The following MGAT4A variants were observed in gnomAD, a reference collection of about 807,000 sequenced individuals.
The protein encoded by MGAT4A is N-acetylglucosaminyltransferase IVa.
In MGAT4A, 33 loss-of-function variants were observed where a neutral mutation model predicts 74.1. The ratio of observed to expected loss-of-function variants is 0.45; its 90% CI spans 0.34 to 0.60. The LOEUF (loss-of-function observed/expected upper bound fraction) is 0.60, where lower values mean the gene tolerates loss of function less well. Among genes scored for constraint, MGAT4A ranks in the 20% least tolerant of loss-of-function variants. The pLI is 0.02. For synonymous variants in MGAT4A, 198 were observed against 210.4 expected, an observed-to-expected ratio of 0.94 and a Z score of 0.51; for missense variants, 479 against 628.3, an observed-to-expected ratio of 0.76 and a Z score of 2.54.
In MGAT4A at chr2:98,621,720, C is replaced by T. The variant is rs904930269; in HGVS notation, c.*3846G>A. 1.3e-5 allele frequency: 16 copies of T among 1,273,740 alleles called. No individual in the cohort carries two copies. Among genetic ancestry groups the T allele is most frequent in the East Asian group, 6.5e-5 (2 of 30,576 alleles). The allele number at this position is 1,273,740 out of a possible 1,614,324, so 78.9% of individuals were successfully genotyped here. ...TATTCACTAGAATAATCTCTCCAAA[C>T]GTGCTGTTTCCACATAACCAGTCTT... On this transcript the variant is annotated 3_prime_UTR_variant, in exon 16 of 16. Transcript: ENST00000393487.
intron 2 of MGAT4A, among the ~76,000 whole-genome samples, chr2:98,686,596 G>T (rs182220571): frequency 6.6e-6 from 1 of 151,730 alleles, no homozygotes; most frequent in Non-Finnish European, 1.5e-5. Context: ...ACCCAGGCTG[G>T]AGTGCAGTGG....
At chr2:98,668,011 C>A (rs906762907) in intron 4 of MGAT4A, among the ~76,000 whole-genome samples, 1 of 152,164 alleles carries the variant, frequency 6.6e-6, no homozygotes, top group Non-Finnish European at 1.5e-5. Flanking sequence ...AGCCACAGCG[C>A]CCGGCCAGCA....
At chr2:98,674,049 A>C (rs1032590751) in intron 4 of MGAT4A, among the ~76,000 whole-genome samples, 1 of 152,196 alleles carries the variant, frequency 6.6e-6, no homozygotes, top group East Asian at 1.9e-4. Flanking sequence ...CTTAAGAAGG[A>C]AGGTAGTATA....
At chr2:98,629,163 T>G (rs1025302378) in intron 14 of MGAT4A, among the ~76,000 whole-genome samples, 4 of 152,224 alleles carry the variant, frequency 2.6e-5, no homozygotes, top group African/African-American at 9.6e-5. Flanking sequence ...ATGTGCCCCA[T>G]GGACCGTAGT....
intron 2 of MGAT4A, among the ~76,000 whole-genome samples, chr2:98,683,611 A>ATCAGATATAG: frequency 6.6e-6 from 1 of 152,234 alleles, no homozygotes; most frequent in African/African-American, 2.4e-5. Flanking sequence ...ATATAGGCTC[A>ATCAGATATAG]GTCTTTCATC....
chr2:98,622,590 G>A lies in MGAT4A; in HGVS notation c.*2976C>T, dbSNP rs944312024. 12 of 985,200 alleles carry A rather than the reference G, an allele frequency of 1.2e-5. No homozygotes were observed. The highest frequency in any genetic ancestry group is 1.1e-4 in the East Asian group (1 of 8,828). The allele number at this position is 985,200 out of a possible 1,614,324, so 61.0% of individuals were successfully genotyped here. On this transcript the variant is annotated 3_prime_UTR_variant, in exon 16 of 16. Coordinates refer to ENST00000393487, the MANE Select transcript of MGAT4A (RefSeq NM_012214.3). The stretch of plus-strand genomic sequence containing the variant: ...CTGCCCTCACACTGCTCTTAAGGGC[G>A]ACCACTACAATTTCCTGCTTGGGGA...
intron 13 of MGAT4A, among the ~76,000 whole-genome samples, chr2:98,635,992 A>G (rs990949396): frequency 2.1e-5 from 3 of 145,116 alleles, no homozygotes; most frequent in African/African-American, 7.8e-5. Context: ...TCTCAAAAAA[A>G]TAAAATAAAA....
chr2:98,700,937 C>T (rs766174239), intron 2 of MGAT4A, among the ~76,000 whole-genome samples: 4 of 151,050 alleles, frequency 2.6e-5, no homozygotes, highest in Admixed American at 6.6e-5. Flanking sequence ...ATAAATAATG[C>T]ATTTTATTAA....
chr2:98,674,763 C>T (rs1701955766), intron 4 of MGAT4A, among the ~76,000 whole-genome samples: 1 of 152,162 alleles, frequency 6.6e-6, no homozygotes, highest in South Asian at 2.1e-4. Flanking sequence ...TCCCAAGTTT[C>T]TTAAACAGAA....
intron 2 of MGAT4A, among the ~76,000 whole-genome samples, chr2:98,725,538 C>T (rs1489605932): frequency 6.6e-6 from 1 of 151,164 alleles, no homozygotes; most frequent in Non-Finnish European, 1.5e-5. Context: ...TTCTTCTCAT[C>T]ATCAACATTC....
At chr2:98,640,260 C>A (rs1236340663) in intron 10 of MGAT4A, 32 bp from the exon 11 acceptor site, 5 of 1,532,326 alleles carry the variant, frequency 3.3e-6, no homozygotes, top group Non-Finnish European at 4.5e-6. Flanking sequence ...GTTAGTGTTG[C>A]ATCATAAAGT....
At chr2:98,667,696 TTTG>T (rs142922685) in intron 4 of MGAT4A, among the ~76,000 whole-genome samples, 12,876 of 150,200 alleles carry the variant, frequency 0.086, 614 homozygotes, top group East Asian at 0.19. Context: ...GCATTCAGTT[TTTG>T]TTGTTGTTGT....
chr2:98,645,212 G>A (rs375647009), intron 9 of MGAT4A, among the ~76,000 whole-genome samples: 2 of 152,188 alleles, frequency 1.3e-5, no homozygotes, highest in Admixed American at 6.5e-5. Flanking sequence ...TGTGAAGAAC[G>A]CTACAGTAAA....
rs1701088365 is a variant in MGAT4A, at chr2:98,623,217, G to A, written c.*2349C>T. ...AAAGGAGTCTTGGGAACAAGAATGA[G>A]TTTCTTGGGAACAACAGGTGGACCA... On this transcript the variant is annotated 3_prime_UTR_variant, in exon 16 of 16. Coordinates refer to ENST00000393487, the MANE Select transcript of MGAT4A (RefSeq NM_012214.3). 1.0e-6 allele frequency: 1 copy of A among 985,302 alleles called. No individual in the cohort carries two copies. Among genetic ancestry groups the A allele is most frequent in the Non-Finnish European group, 1.2e-6 (1 of 829,956 alleles). 61.0% of individuals were successfully genotyped at this position (985,302 alleles called of 1,614,324 possible). A position where few individuals can be genotyped will look rare whatever the true frequency, so the allele number is the denominator to read the frequency against.
chr2:98,657,150 T>C (rs1262416391), intron 6 of MGAT4A, among the ~76,000 whole-genome samples: 2 of 152,206 alleles, frequency 1.3e-5, no homozygotes, highest in Non-Finnish European at 2.9e-5. Context: ...CTTTCTAAAG[T>C]TTTTAATTAG....
intron 4 of MGAT4A, among the ~76,000 whole-genome samples, chr2:98,672,350 C>T (rs1701922442): frequency 6.6e-6 from 1 of 152,188 alleles, no homozygotes. Flanking sequence ...AGACTCGGAA[C>T]CACATCTAAT....
chr2:98,700,607 T>C (rs1235681071), intron 2 of MGAT4A, among the ~76,000 whole-genome samples: 1 of 152,108 alleles, frequency 6.6e-6, no homozygotes, highest in African/African-American at 2.4e-5. Context: ...CTATTACATG[T>C]TGGCTGGGCG....
intron 2 of MGAT4A, among the ~76,000 whole-genome samples, chr2:98,685,015 T>C (rs936119619): frequency 1.3e-5 from 2 of 152,126 alleles, no homozygotes; most frequent in Non-Finnish European, 2.9e-5. Context: ...GGCAGGAGGA[T>C]TGCTTGAACC....
chr2:98,636,427 T>A (rs1701322677), intron 13 of MGAT4A, 90 bp downstream of exon 13: 1 of 983,852 alleles, frequency 1.0e-6, no homozygotes, highest in African/African-American at 1.6e-5. Context: ...ATCATGAGAA[T>A]TTTCTTTCCC....
Sources: gnomAD v4.1 joint callset for allele counts (sites outside exome capture counted in the v4.1 genomes callset) on GRCh38, gnomAD v4.1.1 for gene constraint, MANE v1.5 for transcripts, NCBI Gene and HGNC (gene_info 2026-07-23, HGNC 2026-07-21) for gene names.